The following HPSE2 variants were observed in gnomAD, a reference collection of about 807,000 sequenced individuals.
HPSE2 encodes inactive heparanase-2.
HPSE2 carries 38 observed loss-of-function variants against 60.5 expected under a neutral mutation model. The observed-to-expected ratio is 0.63, with a 90% CI of 0.48 to 0.82. The LOEUF (loss-of-function observed/expected upper bound fraction) is 0.82. Ranked by LOEUF, HPSE2 falls within the 40% of genes least tolerant of loss-of-function variation. HPSE2 has a pLI of 0.00. For synonymous variants in HPSE2, 295 were observed against 293.2 expected (o/e 1.01, Z -0.06); for missense variants, 713 against 740.4 (o/e 0.96, Z 0.43).
At chr10:99,079,713 C>T (rs1171245966) in intron 3 of HPSE2, among the ~76,000 whole-genome samples, 1 of 152,120 alleles carries the variant, frequency 6.6e-6, no homozygotes, top group Admixed American at 6.5e-5. Flanking sequence ...TGTGGTCCAA[C>T]TCATTTTCTC....
At chr10:98,991,828 G>A (rs1449286419) in intron 3 of HPSE2, among the ~76,000 whole-genome samples, 1 of 152,122 alleles carries the variant, frequency 6.6e-6, no homozygotes, top group Non-Finnish European at 1.5e-5. Flanking sequence ...TGAAAGTAAA[G>A]TAAACCCAGT....
chr10:98,670,246 G>T (rs997422721), intron 6 of HPSE2, among the ~76,000 whole-genome samples: 2 of 152,134 alleles, frequency 1.3e-5, no homozygotes, highest in Non-Finnish European at 2.9e-5. Context: ...GAGACATTAA[G>T]GATTTTGAGC....
chr10:99,127,141 A>T (rs1479326001), intron 3 of HPSE2, among the ~76,000 whole-genome samples: 1 of 152,182 alleles, frequency 6.6e-6, no homozygotes, highest in Non-Finnish European at 1.5e-5. Context: ...GATCCAAACC[A>T]AGAAGAATTC....
At chr10:99,283,916 T>C in the HPSE2 span, among the ~76,000 whole-genome samples, 76 of 152,124 alleles carry the variant, frequency 5.0e-4, no homozygotes, top group Admixed American at 1.2e-3. Context: ...AGTCCAGAAC[T>C]GGATGACTTC....
chr10:99,144,951 C>G (rs1845994775), intron 2 of HPSE2, among the ~76,000 whole-genome samples: 2 of 152,040 alleles, frequency 1.3e-5, no homozygotes, highest in African/African-American at 4.8e-5. Flanking sequence ...TCATGTACCT[C>G]GAGTAAAATA....
intron 6 of HPSE2, among the ~76,000 whole-genome samples, chr10:98,672,083 C>T (rs1331133136): frequency 1.3e-5 from 2 of 152,188 alleles, no homozygotes. Flanking sequence ...TAAAAAATTA[C>T]ATAAATTTTG....
intron 9 of HPSE2, among the ~76,000 whole-genome samples, chr10:98,587,744 C>T (rs1944977397): frequency 6.6e-6 from 1 of 152,172 alleles, no homozygotes. Flanking sequence ...TAAAATGCTC[C>T]TTCAGAACCT....
intron 4 of HPSE2, among the ~76,000 whole-genome samples, chr10:98,731,114 G>A (rs953886158): frequency 2.6e-5 from 4 of 151,988 alleles, no homozygotes; most frequent in African/African-American, 9.7e-5. Flanking sequence ...GTGAAACCCC[G>A]TCTCTACTAA....
intron 5 of HPSE2, among the ~76,000 whole-genome samples, chr10:98,720,896 T>C (rs1183849010): frequency 2.6e-5 from 4 of 152,280 alleles, no homozygotes; most frequent in East Asian, 3.9e-4. Context: ...ATCACAACTA[T>C]GTAAAATTAT....
chr10:99,161,272 A>G (rs1846832927), intron 2 of HPSE2, among the ~76,000 whole-genome samples: 1 of 152,136 alleles, frequency 6.6e-6, no homozygotes, highest in African/African-American at 2.4e-5. Context: ...ATTATGCATA[A>G]CAGCCAAAAC....
At chr10:99,262,348 C>T in the HPSE2 span, among the ~76,000 whole-genome samples, 11 of 152,240 alleles carry the variant, frequency 7.2e-5, no homozygotes, top group South Asian at 2.1e-4. Context: ...TCCCTTGTTA[C>T]GTTGAGACAT....
At chr10:98,569,066 A>ATTT (rs58007353) in intron 9 of HPSE2, among the ~76,000 whole-genome samples, 4 of 143,492 alleles carry the variant, frequency 2.8e-5, no homozygotes, top group Non-Finnish European at 4.5e-5. Flanking sequence ...AAAAAGTCTG[A>ATTT]TTTTTTTTTT....
intron 2 of HPSE2, among the ~76,000 whole-genome samples, chr10:99,193,870 T>C (rs1848305018): frequency 1.3e-5 from 2 of 152,270 alleles, no homozygotes; most frequent in East Asian, 1.9e-4. Context: ...ACTTTCAGCA[T>C]TGGACAGATC....
chr10:99,101,288 A>C (rs1319770078), intron 3 of HPSE2, among the ~76,000 whole-genome samples: 1 of 152,222 alleles, frequency 6.6e-6, no homozygotes, highest in Non-Finnish European at 1.5e-5. Flanking sequence ...AAAGGGATGG[A>C]GGAAGATCTA....
At chr10:98,977,992 T>A (rs1956124145) in intron 3 of HPSE2, among the ~76,000 whole-genome samples, 5 of 151,954 alleles carry the variant, frequency 3.3e-5, no homozygotes. Flanking sequence ...TGAAATAATG[T>A]ATTATTATTT....
chr10:98,790,377 A>C (rs1012999449), intron 3 of HPSE2, among the ~76,000 whole-genome samples: 1 of 152,212 alleles, frequency 6.6e-6, no homozygotes, highest in Non-Finnish European at 1.5e-5. Context: ...GCTAAGTGAA[A>C]TAAGCCAGGC....
intron 9 of HPSE2, among the ~76,000 whole-genome samples, chr10:98,496,050 G>GGT (rs146851708): frequency 7.1e-4 from 107 of 150,848 alleles, no homozygotes; most frequent in African/African-American, 2.0e-3. Context: ...AGTTGTTTTT[G>GGT]GTGTGTGTGT....
At chr10:98,600,885 A>AGTGTGTG (rs1945389412) in intron 9 of HPSE2, among the ~76,000 whole-genome samples, 4 of 106,222 alleles carry the variant, frequency 3.8e-5, no homozygotes, top group Admixed American at 1.0e-4. Flanking sequence ...GTATATATAC[A>AGTGTGTG]TATATACGTA....
At chr10:99,124,142 A>C (rs1471891075) in intron 3 of HPSE2, among the ~76,000 whole-genome samples, 1 of 152,196 alleles carries the variant, frequency 6.6e-6, no homozygotes, top group Non-Finnish European at 1.5e-5. Context: ...TGCAGTCCTC[A>C]GTGGAGAGGA....
Sources: gnomAD v4.1 joint callset for allele counts (sites outside exome capture counted in the v4.1 genomes callset) on GRCh38, gnomAD v4.1.1 for gene constraint, MANE v1.5 for transcripts, NCBI Gene and HGNC (gene_info 2026-07-23, HGNC 2026-07-21) for gene names.